Variants in PPA2 observed in about 807,000 individuals in gnomAD.
The protein encoded by PPA2 is inorganic pyrophosphatase 2.
Under a neutral mutation model 49.5 loss-of-function variants are expected in PPA2, and 48 were observed. The observed-to-expected ratio is 0.97, with a 90% CI of 0.77 to 1.23. PPA2 has a LOEUF of 1.23. Among genes scored for constraint, PPA2 ranks in the 50% most tolerant of loss-of-function variants. PPA2 has a pLI of 0.00. For synonymous variants in PPA2, 131 were observed against 139.9 expected (o/e 0.94, Z 0.45); for missense variants, 429 against 410.1 (o/e 1.05, Z -0.40).
At chr4:105,440,552 C>T (rs1373422841) in intron 5 of PPA2, among the ~76,000 whole-genome samples, 2 of 152,132 alleles carry the variant, frequency 1.3e-5, no homozygotes, top group Non-Finnish European at 2.9e-5. Flanking sequence ...TGAGCCACTG[C>T]GCCGGCCAAT....
chr4:105,395,341 G>A (rs972510549), intron 9 of PPA2, among the ~76,000 whole-genome samples: 1 of 125,902 alleles, frequency 7.9e-6, no homozygotes, highest in Non-Finnish European at 1.9e-5. Flanking sequence ...GAGAGCACAG[G>A]GACTCTATCG....
chr4:105,398,948 T>C (rs895367483), intron 8 of PPA2, 89 bp downstream of exon 8: 17 of 1,407,656 alleles, frequency 1.2e-5, no homozygotes, highest in African/African-American at 1.2e-4. Context: ...ATGCTATATA[T>C]ACATATTCAC....
intron 5 of PPA2, among the ~76,000 whole-genome samples, chr4:105,442,875 G>C (rs951878334): frequency 1.1e-4 from 16 of 152,158 alleles, no homozygotes; most frequent in Non-Finnish European, 2.4e-4. Context: ...ACGAATCATA[G>C]AACAGCTAAA....
intron 6 of PPA2, among the ~76,000 whole-genome samples, chr4:105,430,787 A>G (rs1317395520): frequency 2.6e-5 from 4 of 152,206 alleles, no homozygotes; most frequent in African/African-American, 9.6e-5. Flanking sequence ...AAAAACAAAT[A>G]GTGTACAAGG....
At chr4:105,373,778 C>CACACAA in intron 10 of PPA2, among the ~76,000 whole-genome samples, 1 of 151,506 alleles carries the variant, frequency 6.6e-6, no homozygotes, top group East Asian at 1.9e-4. Context: ...CACACACACA[C>CACACAA]ACACACACAC....
intron 10 of PPA2, among the ~76,000 whole-genome samples, chr4:105,380,445 G>A (rs1419126119): frequency 6.6e-6 from 1 of 152,012 alleles, no homozygotes; most frequent in Non-Finnish European, 1.5e-5. Context: ...ACTAGCTTTT[G>A]GCTTCATTAA....
chr4:105,386,431 G>C (rs911949533), intron 10 of PPA2, 136 bp downstream of exon 10: 2 of 627,310 alleles, frequency 3.2e-6, no homozygotes, highest in Admixed American at 3.6e-5. Context: ...TACAGAAATA[G>C]ATTTCAAGGT....
At chr4:105,455,182 T>C (rs1301394458) in intron 2 of PPA2, among the ~76,000 whole-genome samples, 4 of 152,174 alleles carry the variant, frequency 2.6e-5, no homozygotes, top group Non-Finnish European at 5.9e-5. Flanking sequence ...TGACTATTGA[T>C]TGAATGAATA....
intron 6 of PPA2, among the ~76,000 whole-genome samples, chr4:105,426,592 A>T (rs1302954099): frequency 6.6e-6 from 1 of 152,204 alleles, no homozygotes; most frequent in South Asian, 2.1e-4. Flanking sequence ...CTAGCGCAGC[A>T]GTCTGAGATC....
At chr4:105,456,787 A>G (rs766891170) in intron 1 of PPA2, 42 bp from the exon 2 acceptor site, 5 of 1,483,764 alleles carry the variant, frequency 3.4e-6, no homozygotes, top group Non-Finnish European at 4.6e-6. Context: ...GAATTAAAGC[A>G]ATAGACACAT....
intron 6 of PPA2, among the ~76,000 whole-genome samples, chr4:105,426,323 G>A (rs988460443): frequency 5.9e-5 from 9 of 152,302 alleles, no homozygotes; most frequent in Admixed American, 5.9e-4. Flanking sequence ...TCATCTCATT[G>A]GGACTGGTTG....
chr4:105,456,213 C>A (rs993450864), intron 2 of PPA2: 1 of 476,708 alleles, frequency 2.1e-6, no homozygotes, highest in African/African-American at 2.0e-5. Flanking sequence ...GCTTTGTGGT[C>A]AGAAGCTAAT....
chr4:105,433,742 C>A (rs1723923182), intron 6 of PPA2, among the ~76,000 whole-genome samples: 1 of 152,234 alleles, frequency 6.6e-6, no homozygotes, highest in South Asian at 2.1e-4. Context: ...TTACCAGCTG[C>A]AATCACAAAG....
chr4:105,456,949 T>C (rs1302323320), intron 1 of PPA2, among the ~76,000 whole-genome samples: 1 of 152,174 alleles, frequency 6.6e-6, no homozygotes, highest in Non-Finnish European at 1.5e-5. Flanking sequence ...GGCTAAACCA[T>C]ATTTGGGTTG....
intron 1 of PPA2, among the ~76,000 whole-genome samples, chr4:105,461,891 G>A (rs930985488): frequency 1.3e-4 from 20 of 152,286 alleles, no homozygotes; most frequent in Middle Eastern, 6.8e-3. Context: ...CACCTAGTAA[G>A]TTTAAACACA....
chr4:105,409,515 C>T (rs943969987), intron 7 of PPA2, among the ~76,000 whole-genome samples: 1 of 152,368 alleles, frequency 6.6e-6, no homozygotes, highest in Non-Finnish European at 1.5e-5. Context: ...ATGTCCCTGT[C>T]TGATAGCTCT....
chr4:105,396,155 T>TA (rs1000561138), intron 9 of PPA2, 94 bp downstream of exon 9: 74 of 763,602 alleles, frequency 9.7e-5, no homozygotes, highest in Admixed American at 5.3e-4. Context: ...TTGTTTAAAT[T>TA]AAAAAAAATG....
At chr4:105,387,189 G>C (rs1733717683) in intron 9 of PPA2, among the ~76,000 whole-genome samples, 1 of 152,050 alleles carries the variant, frequency 6.6e-6, no homozygotes, top group South Asian at 2.1e-4. Context: ...AGAGTCAAAA[G>C]CCTTTCCTAT....
intron 3 of PPA2, among the ~76,000 whole-genome samples, chr4:105,450,690 A>C (rs368873759): frequency 1.7e-4 from 21 of 125,246 alleles, no homozygotes; most frequent in East Asian, 4.7e-4. Context: ...TCACTGCAAG[A>C]TCCGCCTCCC....
Sources: allele counts gnomAD v4.1 joint callset (sites outside exome capture counted in the v4.1 genomes callset), GRCh38; gene constraint gnomAD v4.1.1; transcripts MANE v1.5; gene names NCBI Gene and HGNC (gene_info 2026-07-23, HGNC 2026-07-21).